Variants in NTRK3 observed in about 807,000 individuals in gnomAD.
The protein encoded by NTRK3 is neurotrophic receptor tyrosine kinase 3, also known as NT-3 growth factor receptor.
In NTRK3, 24 loss-of-function variants were observed where a neutral mutation model predicts 91.7. The observed-to-expected ratio is 0.26, with a 90% CI of 0.19 to 0.37. The LOEUF (loss-of-function observed/expected upper bound fraction) is 0.37, where lower values mean the gene tolerates loss of function less well. Among genes scored for constraint, NTRK3 ranks in the 10% least tolerant of loss-of-function variants. The pLI is 1.00. For missense variants in NTRK3, 880 were observed against 1,068.9 expected (o/e 0.82, Z 2.46); for synonymous variants, 483 against 404.0 (o/e 1.20, Z -2.34).
At chr15:87,941,233 A>T (rs533671787) in intron 14 of NTRK3, among the ~76,000 whole-genome samples, 1 of 152,092 alleles carries the variant, frequency 6.6e-6, no homozygotes, top group East Asian at 1.9e-4. Context: ...CCAGGGTACG[A>T]TTGAGAATCA....
chr15:88,130,020 A>G (rs1387899015), intron 10 of NTRK3, among the ~76,000 whole-genome samples: 1 of 152,152 alleles, frequency 6.6e-6, no homozygotes, highest in Non-Finnish European at 1.5e-5. Flanking sequence ...CACAAAGAGA[A>G]CACTGCCATC....
intron 5 of NTRK3, among the ~76,000 whole-genome samples, chr15:88,155,060 C>A (rs1028939650): frequency 6.6e-6 from 1 of 152,178 alleles, no homozygotes; most frequent in Non-Finnish European, 1.5e-5. Flanking sequence ...GTGTTGTCTA[C>A]GGTCATGTTC....
chr15:87,880,083 AC>A (rs1241194889), intron 18 of NTRK3, among the ~76,000 whole-genome samples, 186 bp downstream of exon 19: 15 of 152,240 alleles, frequency 9.9e-5, no homozygotes, highest in African/African-American at 3.6e-4. Context: ...TTTGACAATT[AC>A]ACCACATTTC....
chr15:87,865,698 CA>C (rs2064652356), exon 19 of NTRK3: 2 of 222,038 alleles, frequency 9.0e-6, no homozygotes, highest in Non-Finnish European at 1.8e-5. Context: ...CTTATGAAAG[CA>C]AGAGTTGATG....
At chr15:88,090,842 G>GC (rs1385198694) in intron 13 of NTRK3, among the ~76,000 whole-genome samples, 5 of 152,002 alleles carry the variant, frequency 3.3e-5, no homozygotes, top group Non-Finnish European at 5.9e-5. Context: ...CTGGCCTTCA[G>GC]CCCTAAATGT....
chr15:87,945,274 T>C (rs184594780), intron 14 of NTRK3, among the ~76,000 whole-genome samples: 42 of 152,340 alleles, frequency 2.8e-4, no homozygotes, highest in Admixed American at 2.7e-3. Flanking sequence ...CCAACTGGGT[T>C]CCACCAGAGG....
At chr15:87,961,912 G>A (rs2072333658) in intron 14 of NTRK3, among the ~76,000 whole-genome samples, 1 of 152,218 alleles carries the variant, frequency 6.6e-6, no homozygotes, top group Admixed American at 6.5e-5. Context: ...CTGCTTCCAG[G>A]AGCATACCAG....
In NTRK3 at chr15:88,115,732, T is replaced by C. The variant is rs544186415; in HGVS notation, c.1396+10539A>G. 5.9e-5 allele frequency among the ~76,000 whole-genome samples: 9 copies of C among 152,142 alleles called. No individual in the cohort carries two copies. In the East Asian group the frequency reaches 1.6e-3, roughly 26 times the overall value. ...AGTAAATTGGAGGGCAGGGCAGGCT[T>C]TCAGTGTGAATACCAACCGCCAGAG... On this transcript the variant is annotated intron_variant, in intron 13 of 18. Coordinates refer to ENST00000394480, the Ensembl canonical transcript of NTRK3.
chr15:87,863,605 C>T (rs924851334), exon 19 of NTRK3: 130 of 218,866 alleles, frequency 5.9e-4, no homozygotes, highest in Admixed American at 2.5e-3. Flanking sequence ...ACAGTTAATG[C>T]GTGCCAAAGT....
chr15:88,112,186 G>C (rs188243626), intron 13 of NTRK3, among the ~76,000 whole-genome samples: 3 of 152,164 alleles, frequency 2.0e-5, no homozygotes, highest in Admixed American at 6.5e-5. Flanking sequence ...GATTACAGGC[G>C]TGAGCCACCA....
intron 17 of NTRK3, chr15:87,908,453 C>A: frequency 2.5e-6 from 1 of 399,926 alleles, no homozygotes; most frequent in Non-Finnish European, 4.4e-6. Flanking sequence ...CTGCCCTGCC[C>A]AGCCCCCTGG....
At chr15:88,164,636 C>T (rs2044761572) in intron 5 of NTRK3, among the ~76,000 whole-genome samples, 1 of 152,054 alleles carries the variant, frequency 6.6e-6, no homozygotes, top group South Asian at 2.1e-4. Context: ...TCCTTGACTG[C>T]CAGCAATACC....
intron 13 of NTRK3, among the ~76,000 whole-genome samples, chr15:88,050,245 G>A (rs1383653558): frequency 6.6e-6 from 1 of 151,992 alleles, no homozygotes; most frequent in Non-Finnish European, 1.5e-5. Flanking sequence ...AGGCTATAGG[G>A]GAAAACTAGA....
At chr15:88,011,156 C>T (rs1348675758) in intron 14 of NTRK3, among the ~76,000 whole-genome samples, 3 of 152,172 alleles carry the variant, frequency 2.0e-5, no homozygotes, top group Non-Finnish European at 2.9e-5. Flanking sequence ...CACCCACACA[C>T]CTTCCACCCC....
chr15:88,063,178 C>T (rs1427213002), intron 13 of NTRK3, among the ~76,000 whole-genome samples: 1 of 152,236 alleles, frequency 6.6e-6, no homozygotes, highest in Non-Finnish European at 1.5e-5. Flanking sequence ...GTTAAGAGTG[C>T]TTGGTGCTTC....
At chr15:87,929,303 T>G (rs2141912390) in exon 17 of NTRK3, 1 of 1,614,140 alleles carries the variant, frequency 6.2e-7, no homozygotes, top group African/African-American at 1.3e-5. Context: ...GTGCACAAAG[T>G]GCTGGGAGGC....
intron 3 of NTRK3, among the ~76,000 whole-genome samples, chr15:88,201,711 C>T (rs2048319033): frequency 6.6e-6 from 1 of 152,132 alleles, no homozygotes; most frequent in South Asian, 2.1e-4. Context: ...GGTGCTAGCC[C>T]TGCCTGCAGA....
chr15:87,982,191 C>T (rs1460986685), intron 14 of NTRK3, among the ~76,000 whole-genome samples: 2 of 152,168 alleles, frequency 1.3e-5, no homozygotes, highest in Non-Finnish European at 2.9e-5. Flanking sequence ...AACTCTTTCC[C>T]AGGTGGAGTC....
intron 3 of NTRK3, among the ~76,000 whole-genome samples, chr15:88,244,072 C>G (rs1203220183): frequency 2.0e-5 from 3 of 152,184 alleles, no homozygotes. Flanking sequence ...GTTCTCCATG[C>G]CAGCCACTGG....
Sources: allele counts gnomAD v4.1 joint callset (sites outside exome capture counted in the v4.1 genomes callset), GRCh38; gene constraint gnomAD v4.1.1; transcripts MANE v1.5; gene names NCBI Gene and HGNC (gene_info 2026-07-23, HGNC 2026-07-21).